Variants in TDRD3 observed in about 807,000 individuals in gnomAD.
The protein encoded by TDRD3 is tudor domain-containing protein 3.
A neutral mutation model predicts 86.7 loss-of-function variants in TDRD3; 45 were observed. That is an observed-to-expected ratio of 0.52 (90% CI 0.41 to 0.67). The LOEUF is 0.67. Ranked by LOEUF, TDRD3 falls within the 30% of genes least tolerant of loss-of-function variation. TDRD3 has a pLI of 0.00. For missense variants in TDRD3, 814 were observed against 889.0 expected, an observed-to-expected ratio of 0.92 and a Z score of 1.07; for synonymous variants, 298 against 301.7, an observed-to-expected ratio of 0.99 and a Z score of 0.13.
intron 3 of TDRD3, among the ~76,000 whole-genome samples, 154 bp downstream of exon 3, chr13:60,444,902 G>T (rs2137982505): frequency 6.6e-6 from 1 of 151,446 alleles, no homozygotes; most frequent in South Asian, 2.1e-4. Flanking sequence ...GACTTCCATG[G>T]AAAATTATTA....
intron 12 of TDRD3, chr13:60,536,719 T>C (rs1957704341): frequency 6.6e-6 from 1 of 152,102 alleles, no homozygotes; most frequent in Admixed American, 6.6e-5. Context: ...TTTATTCTTC[T>C]CTCCCTAAAG....
intron 10 of TDRD3, among the ~76,000 whole-genome samples, chr13:60,522,400 C>T (rs1420708889): frequency 6.6e-6 from 1 of 152,078 alleles, no homozygotes; most frequent in East Asian, 1.9e-4. Flanking sequence ...TTTGTCTTTC[C>T]TGATGTGTCA....
At chr13:60,442,494 T>G (rs1384922211) in intron 2 of TDRD3, among the ~76,000 whole-genome samples, 1 of 152,034 alleles carries the variant, frequency 6.6e-6, no homozygotes, top group African/African-American at 2.4e-5. Flanking sequence ...TTATTTTTTG[T>G]TGTTCAATAT....
In TDRD3 at chr13:60,454,236, A is replaced by G. The variant is rs78032070; in HGVS notation, c.193-6144A>G. Among the ~76,000 whole-genome samples, 618 of 152,196 alleles carry G rather than the reference A, an allele frequency of 4.1e-3. 8 individuals carry two copies. Among genetic ancestry groups the G allele is most frequent in the African/African-American group, 0.014 (580 of 41,538 alleles). On this transcript the variant is annotated intron_variant, in intron 3 of 13. Coordinates refer to ENST00000377881, the MANE Select transcript of TDRD3 (RefSeq NM_001146070.2). ...AAATTTGTAGAGTCTTTATGGCTTG[A>G]TATGTATTGGTAAATGTCACATGTA...
chr13:60,450,755 G>A (rs935613392), intron 3 of TDRD3, among the ~76,000 whole-genome samples: 5 of 152,088 alleles, frequency 3.3e-5, no homozygotes, highest in African/African-American at 1.2e-4. Context: ...GAAACCAGCC[G>A]TGTCAATGTA....
chr13:60,402,766 T>C (rs916606708), intron 1 of TDRD3, among the ~76,000 whole-genome samples: 2 of 147,628 alleles, frequency 1.4e-5, no homozygotes, highest in African/African-American at 5.0e-5. Flanking sequence ...GGCGCGATCT[T>C]GGTTCGTCGC....
Position 60,528,446 on chromosome 13 carries a change from T to C in TDRD3, c.1221T>C (p.Asn407=). Residue 407 remains asparagine (N), a synonymous_variant, in exon 11 of 14, where the codon AAT becomes AAC. Coordinates refer to ENST00000377881, the MANE Select transcript of TDRD3 (RefSeq NM_001146070.2). ...CTGAGCAAAATGGAGTAAAAGATAA[T>C]AATCATCTGAGACATCCTCCTCGAA... ...SNTEQNGVKD[N]NHLRHPPRND... is the part of the protein sequence containing the mutation. 6.2e-7 allele frequency: 1 copy of C among 1,613,740 alleles called. No individual in the cohort carries two copies. The highest frequency in any genetic ancestry group is 8.5e-7 in the Non-Finnish European group (1 of 1,179,828).
intron 12 of TDRD3, among the ~76,000 whole-genome samples, chr13:60,567,281 T>C (rs1341145168): frequency 6.6e-6 from 1 of 152,212 alleles, no homozygotes; most frequent in East Asian, 1.9e-4. Context: ...ATTCTAATCT[T>C]ACCACTATAA....
chr13:60,411,872 T>C (rs987916961), intron 1 of TDRD3, among the ~76,000 whole-genome samples: 1 of 152,136 alleles, frequency 6.6e-6, no homozygotes, highest in Non-Finnish European at 1.5e-5. Context: ...ACATTAAGGT[T>C]TGAGGAGCAG....
chr13:60,502,936 C>A (rs1020042058), intron 8 of TDRD3, among the ~76,000 whole-genome samples: 1 of 152,100 alleles, frequency 6.6e-6, no homozygotes, highest in Non-Finnish European at 1.5e-5. Flanking sequence ...ATTGTGATAA[C>A]TTAAGAGTAC....
intron 10 of TDRD3, among the ~76,000 whole-genome samples, chr13:60,519,131 A>G (rs970208601): frequency 6.6e-6 from 1 of 152,126 alleles, no homozygotes; most frequent in African/African-American, 2.4e-5. Flanking sequence ...ACTAGAACAC[A>G]TGAGCCTCTT....
At chr13:60,396,362 C>CCT (rs959434303), upstream of TDRD3, 1 of 152,256 alleles carries the variant, frequency 6.6e-6, no homozygotes, top group African/African-American at 2.4e-5. Flanking sequence ...TCCGCCTGTT[C>CCT]CTCTCTGATT....
intron 13 of TDRD3, among the ~76,000 whole-genome samples, chr13:60,572,844 C>G (rs191093108): frequency 1.3e-5 from 2 of 152,216 alleles, no homozygotes; most frequent in East Asian, 3.9e-4. Flanking sequence ...TCTGGTCCAG[C>G]ATCAATGTCA....
At chr13:60,470,278 A>G (rs1474718554) in intron 5 of TDRD3, among the ~76,000 whole-genome samples, 2 of 152,158 alleles carry the variant, frequency 1.3e-5, no homozygotes, top group African/African-American at 4.8e-5. Context: ...TTATCCATCA[A>G]TGGACATTAG....
chr13:60,442,398 T>C (rs1286233696), intron 2 of TDRD3, among the ~76,000 whole-genome samples: 1 of 152,064 alleles, frequency 6.6e-6, no homozygotes, highest in African/African-American at 2.4e-5. Flanking sequence ...TGTGTATTTA[T>C]GTGTGCATAT....
chr13:60,400,905 C>T (rs1433685104), intron 1 of TDRD3, among the ~76,000 whole-genome samples: 1 of 152,126 alleles, frequency 6.6e-6, no homozygotes, highest in Non-Finnish European at 1.5e-5. Flanking sequence ...ATTCAGTACT[C>T]ATTTCCACCA....
intron 8 of TDRD3, among the ~76,000 whole-genome samples, chr13:60,507,416 CTT>C (rs1321297178): frequency 1.3e-5 from 2 of 152,168 alleles, no homozygotes; most frequent in East Asian, 3.9e-4. Context: ...CTATGTCATA[CTT>C]TAAAATTGAC....
In TDRD3 at chr13:60,510,620, G is replaced by A. The variant is rs779592621; in HGVS notation, c.1016-10G>A. The A allele has an allele frequency of 1.3e-6, 2 of 1,581,848 alleles. No individual in the cohort carries two copies. Among genetic ancestry groups the A allele is most frequent in the Non-Finnish European group, 1.7e-6 (2 of 1,166,910 alleles). On this transcript the variant is annotated splice_polypyrimidine_tract_variant and intron_variant, in intron 9 of 13. Coordinates refer to ENST00000377881, the MANE Select transcript of TDRD3 (RefSeq NM_001146070.2). ...TATACAGTACATATTTCTTGCTTTTGCATCTAAAGGTAGAGGAAAAGGCAG... is the reference window on the plus strand; with the variant it reads ...TATACAGTACATATTTCTTGCTTTTACATCTAAAGGTAGAGGAAAAGGCAG...
chr13:60,413,360 T>G (rs1158257310), intron 1 of TDRD3, among the ~76,000 whole-genome samples: 2 of 152,212 alleles, frequency 1.3e-5, no homozygotes, highest in African/African-American at 2.4e-5. Context: ...GGCTGGTGTT[T>G]ACGAGCATGG....
Sources: gnomAD v4.1 joint callset for allele counts (sites outside exome capture counted in the v4.1 genomes callset) on GRCh38, gnomAD v4.1.1 for gene constraint, MANE v1.5 for transcripts, NCBI Gene and HGNC (gene_info 2026-07-23, HGNC 2026-07-21) for gene names.